Variants in PIP5K1C observed in about 807,000 individuals in gnomAD.
The protein encoded by PIP5K1C is phosphatidylinositol 4-phosphate 5-kinase type-1 gamma.
Under a neutral mutation model 80.1 loss-of-function variants are expected in PIP5K1C, and 45 were observed. The ratio of observed to expected loss-of-function variants is 0.56; its 90% CI spans 0.44 to 0.72. The LOEUF (loss-of-function observed/expected upper bound fraction) is 0.72. Ranked by LOEUF, PIP5K1C falls within the 30% of genes least tolerant of loss-of-function variation. The probability of loss-of-function intolerance (pLI) is 0.00; values close to 1 mark genes in which losing one functional copy is unlikely to be tolerated. For synonymous variants in PIP5K1C, 498 were observed against 420.1 expected (o/e 1.19, Z -2.27); for missense variants, 753 against 954.6 (o/e 0.79, Z 2.78).
chr19:3,655,766 G>C (rs964126664), intron 6 of PIP5K1C, among the ~76,000 whole-genome samples: 2 of 152,212 alleles, frequency 1.3e-5, no homozygotes, highest in African/African-American at 2.4e-5. Context: ...GTGCTGCCCA[G>C]GGCCGGGCAG....
In PIP5K1C at chr19:3,653,350, C is replaced by T. The variant is rs765313511; in HGVS notation, c.861G>A (p.Gly287=). 3.7e-6 allele frequency: 6 copies of T among 1,611,958 alleles called. No individual in the cohort carries two copies. The South Asian group carries it at 4.4e-5, about 12-fold the overall frequency. Residue 287 remains glycine, a synonymous_variant, in exon 7 of 18, where the codon GGG becomes GGA. Transcript: ENST00000335312. ...DLDFMQDMPE[G]LLLDADTFSA... The stretch of plus-strand genomic sequence containing the variant: ...TGAAGGTGTCGGCGTCCAGCAGGAG[C>T]CCCTCGGGCATGTCCTGCATGAAGT...
chr19:3,697,011 G>A (rs896417218), intron 1 of PIP5K1C, among the ~76,000 whole-genome samples: 10 of 151,900 alleles, frequency 6.6e-5, no homozygotes, highest in Non-Finnish European at 1.5e-5. Flanking sequence ...GGATCGAGCT[G>A]GACCGAGGAG....
chr19:3,648,732 C>T lies in PIP5K1C; in HGVS notation c.1128-24G>A, dbSNP rs746089993. 20 of 1,602,880 alleles carry T rather than the reference C, an allele frequency of 1.2e-5. No homozygotes were observed. In the Admixed American group the frequency reaches 3.2e-4, roughly 25 times the overall value. ...TCCTGGGGAGAGAGGCCGAGGGTAC[C>T]ATCAGCATCCCGCAGAGCTGGGACT... is the stretch of plus-strand genomic sequence containing the variant. On this transcript the variant is annotated intron_variant, in intron 8 of 17. Transcript: ENST00000335312. The surrounding 1 kb of genome is among the most constrained non-coding windows in gnomAD (Gnocchi z 4.3).
At chr19:3,659,076 C>A (rs908392640) in intron 5 of PIP5K1C, among the ~76,000 whole-genome samples, 2 of 152,190 alleles carry the variant, frequency 1.3e-5, no homozygotes, top group African/African-American at 4.8e-5. Context: ...GGAGCTACCC[C>A]CCTTACCAGG....
chr19:3,700,270 C>A (rs1209131286), intron 1 of PIP5K1C, 27 bp downstream of exon 1: 4 of 1,200,590 alleles, frequency 3.3e-6, no homozygotes, highest in Non-Finnish European at 4.2e-6. Context: ...CCCAGCGGGC[C>A]GCAGCCCCGG....
chr19:3,694,203 C>T (rs1343430697), intron 1 of PIP5K1C, among the ~76,000 whole-genome samples: 1 of 146,096 alleles, frequency 6.8e-6, no homozygotes, highest in Non-Finnish European at 1.5e-5. Context: ...GACAGCGAGA[C>T]TCCATCTCAA....
rs779894290 is a variant in PIP5K1C at position 3,641,635 on chromosome 19, C to A, written c.1787+70G>T. 7.3e-6 allele frequency: 8 copies of A among 1,102,148 alleles called. No individual in the cohort carries two copies. The Admixed American group carries it at 1.4e-4, about 19-fold the overall frequency. 68.3% of individuals were successfully genotyped at this position (1,102,148 alleles called of 1,614,324 possible). ...AAAGAACTGCTTCATGATGAAACCT[C>A]GGGGTGCTCTTGGCTCCTCTGGGCC... On this transcript the variant is annotated intron_variant, in intron 15 of 17. Coordinates refer to ENST00000335312, the MANE Select transcript of PIP5K1C (RefSeq NM_012398.3).
chr19:3,700,054 C>G (rs1226082344), intron 1 of PIP5K1C, among the ~76,000 whole-genome samples: 1 of 152,180 alleles, frequency 6.6e-6, no homozygotes, highest in Non-Finnish European at 1.5e-5. Flanking sequence ...CCCAGCGGCG[C>G]CCACGCCGAG....
chr19:3,681,954 T>C (rs1468622437), intron 1 of PIP5K1C, among the ~76,000 whole-genome samples: 1 of 152,058 alleles, frequency 6.6e-6, no homozygotes, highest in Non-Finnish European at 1.5e-5. Context: ...GCCTGGCGTG[T>C]AGGAATATGC....
intron 11 of PIP5K1C, 102 bp downstream of exon 11, chr19:3,645,872 C>T: frequency 1.1e-6 from 1 of 881,904 alleles, no homozygotes; most frequent in Admixed American, 1.7e-5. Context: ...GTTTACTGCC[C>T]TGCCCAGGGG....
chr19:3,633,646 G>A (rs1335093338), intron 16 of PIP5K1C, 126 bp from the exon 17 acceptor site: 4 of 593,266 alleles, frequency 6.7e-6, no homozygotes, highest in Non-Finnish European at 1.0e-5. Context: ...GGAAGACGAG[G>A]GGTGGCTCAG....
chr19:3,642,112 C>T (rs1455692858), intron 14 of PIP5K1C, among the ~76,000 whole-genome samples: 3 of 152,192 alleles, frequency 2.0e-5, no homozygotes, highest in Non-Finnish European at 2.9e-5. Flanking sequence ...ACCTGGCAGC[C>T]GAGGCCCTGA....
intron 1 of PIP5K1C, among the ~76,000 whole-genome samples, chr19:3,683,344 G>A (rs1197453911): frequency 6.6e-6 from 1 of 152,194 alleles, no homozygotes; most frequent in Non-Finnish European, 1.5e-5. Flanking sequence ...TGGCTCAGGA[G>A]GGAAACGGGG....
rs79056524 is a variant in PIP5K1C, at chr19:3,641,975, G to C, written c.1683-166C>G. On this transcript the variant is annotated intron_variant, in intron 14 of 17. Transcript: ENST00000335312. The stretch of plus-strand genomic sequence containing the variant: ...CTCCCAGCCCGGGGACTGTCCACCT[G>C]GGTCCCTTGGTGACTGTGGTGCCAG... Among the ~76,000 whole-genome samples the C allele has an allele frequency of 0.076, 11,624 of 152,260 alleles. 499 individuals carry two copies. Among genetic ancestry groups the C allele is most frequent in the Non-Finnish European group, 0.097 (6,612 of 68,008 alleles).
chr19:3,637,300 G>A lies in PIP5K1C; in HGVS notation c.1920+1584C>T. On this transcript the variant is annotated intron_variant, in intron 16 of 17. Coordinates refer to ENST00000335312, the MANE Select transcript of PIP5K1C (RefSeq NM_012398.3). This position sits in a 1 kb window ranked among gnomAD's most constrained non-coding sequence, Gnocchi z 7.0. The stretch of plus-strand genomic sequence containing the variant: ...CAGCTGTGCACCTGGTGATGGTGCT[G>A]CCCTATGGAGCGCCCGGTTCGACGT... 1 of 1,509,964 alleles carries A rather than the reference G, an allele frequency of 6.6e-7. No individual in the cohort carries two copies. The highest frequency in any genetic ancestry group is 8.8e-7 in the Non-Finnish European group (1 of 1,133,320). The allele number at this position is 1,509,964 out of a possible 1,614,324, so 93.5% of individuals were successfully genotyped here.
At chr19:3,657,511 G>A (rs550239338) in intron 5 of PIP5K1C, among the ~76,000 whole-genome samples, 135 of 152,300 alleles carry the variant, frequency 8.9e-4, no homozygotes, top group African/African-American at 3.2e-3. Context: ...CAGGGTCAAC[G>A]CTGGGTCCGT....
In PIP5K1C at chr19:3,696,076, G is replaced by A. The variant is rs2036093321; in HGVS notation, c.94+4221C>T. Reference sequence around the variant, plus strand: ...ACCACCACAGCTACAGGGAGGCCCTGGTGGCGGTGCTGACTCCCTGCCCGG... The same window carrying A: ...ACCACCACAGCTACAGGGAGGCCCTAGTGGCGGTGCTGACTCCCTGCCCGG... On this transcript the variant is annotated intron_variant, in intron 1 of 17. Transcript: ENST00000335312. The surrounding 1 kb of genome is among the most constrained non-coding windows in gnomAD (Gnocchi z 4.1). Among the ~76,000 whole-genome samples the A allele has an allele frequency of 6.6e-6, 1 of 152,082 alleles. No homozygotes were observed. Among genetic ancestry groups the A allele is most frequent in the African/African-American group, 2.4e-5 (1 of 41,408 alleles).
At chr19:3,698,136 G>C (rs2036183347) in intron 1 of PIP5K1C, among the ~76,000 whole-genome samples, 1 of 152,258 alleles carries the variant, frequency 6.6e-6, no homozygotes, top group African/African-American at 2.4e-5. Context: ...GCTTCTAACA[G>C]TGAGCGGTGA....
intron 1 of PIP5K1C, among the ~76,000 whole-genome samples, chr19:3,674,748 G>A (rs535218287): frequency 1.3e-4 from 20 of 152,316 alleles, no homozygotes; most frequent in East Asian, 3.9e-4. Flanking sequence ...TGATCTGCCC[G>A]CCTTGGCCTC....
Sources: gnomAD v4.1 joint callset for allele counts (sites outside exome capture counted in the v4.1 genomes callset) on GRCh38, gnomAD v4.1.1 for gene constraint, Gnocchi (gnomAD v3.1) non-coding constraint, MANE v1.5 for transcripts, NCBI Gene and HGNC (gene_info 2026-07-23, HGNC 2026-07-21) for gene names.